The following CLVS1 variants were observed in gnomAD, a reference collection of about 807,000 sequenced individuals.
CLVS1 encodes the protein clavesin 1, also known as clavesin-1.
CLVS1 carries 10 observed loss-of-function variants against 33.1 expected under a neutral mutation model. The observed-to-expected ratio is 0.30, with a 90% CI of 0.19 to 0.51. The LOEUF (loss-of-function observed/expected upper bound fraction) is 0.51, where lower values mean the gene tolerates loss of function less well. Among genes scored for constraint, CLVS1 ranks in the 20% least tolerant of loss-of-function variants. CLVS1 has a pLI of 0.97. For synonymous variants in CLVS1, 163 were observed against 166.1 expected (o/e 0.98, Z 0.14); for missense variants, 343 against 433.4 (o/e 0.79, Z 1.85).
At chr8:60,980,552 A>G in the CLVS1 span, among the ~76,000 whole-genome samples, 1 of 152,202 alleles carries the variant, frequency 6.6e-6, no homozygotes, top group African/African-American at 2.4e-5. Context: ...TTGGGTGGCC[A>G]AGGCTGGCGG....
chr8:61,466,186 A>G (rs1817542792), intron 5 of CLVS1, among the ~76,000 whole-genome samples: 1 of 152,260 alleles, frequency 6.6e-6, no homozygotes, highest in Non-Finnish European at 1.5e-5. Flanking sequence ...TTTCACTGCA[A>G]GAAAGAAGAA....
At chr8:61,058,530 C>T (rs924305080) in intron 1 of CLVS1, among the ~76,000 whole-genome samples, 1 of 152,176 alleles carries the variant, frequency 6.6e-6, no homozygotes, top group Non-Finnish European at 1.5e-5. Flanking sequence ...AGGGCATGTA[C>T]TTTTTAAATT....
chr8:61,484,314 G>A, intron 5 of CLVS1, among the ~76,000 whole-genome samples: 1 of 152,144 alleles, frequency 6.6e-6, no homozygotes, highest in East Asian at 1.9e-4. Context: ...CAAACAGAGA[G>A]CCAAATCATG....
intron 2 of CLVS1, among the ~76,000 whole-genome samples, chr8:61,176,941 T>C (rs548617177): frequency 2.5e-4 from 38 of 152,330 alleles, no homozygotes; most frequent in Non-Finnish European, 3.4e-4. Context: ...GTCTGCTGAG[T>C]TCCCAGGGGG....
At chr8:61,360,229 G>A (rs182381493) in intron 2 of CLVS1, among the ~76,000 whole-genome samples, 120 of 152,242 alleles carry the variant, frequency 7.9e-4, no homozygotes, top group African/African-American at 2.8e-3. Flanking sequence ...AGGATTTGCC[G>A]TGAGTGACTG....
intron 2 of CLVS1, among the ~76,000 whole-genome samples, chr8:61,208,628 C>T (rs1011182498): frequency 4.6e-5 from 7 of 151,740 alleles, no homozygotes; most frequent in East Asian, 1.9e-4. Flanking sequence ...CTCACTCTGT[C>T]GCCAGGCTAG....
intron 2 of CLVS1, among the ~76,000 whole-genome samples, chr8:61,143,151 A>G (rs1806341299): frequency 6.6e-6 from 1 of 152,242 alleles, no homozygotes; most frequent in Non-Finnish European, 1.5e-5. Flanking sequence ...AACCTACCAC[A>G]TCCACCAGAC....
In CLVS1 at chr8:61,207,822, C is replaced by G. The variant is rs143917457; in HGVS notation, c.-152+75962C>G. 5.3e-5 allele frequency among the ~76,000 whole-genome samples: 8 copies of G among 152,276 alleles called. No individual in the cohort carries two copies. The East Asian group carries it at 1.2e-3, about 22-fold the overall frequency. ...ATTTTTTCAACCACGATTTTCAGCT[C>G]TAACTTTGTTCACAGGGAGGGCAGG... On this transcript the variant is annotated intron_variant, in intron 2 of 2. Coordinates refer to the CLVS1 transcript ENST00000522621.
chr8:60,968,513 T>TA, the CLVS1 span, among the ~76,000 whole-genome samples: 89 of 90,476 alleles, frequency 9.8e-4, 1 homozygote, highest in African/African-American at 3.5e-3. Context: ...AGACTCCGTT[T>TA]CAAAAAAAAA....
At chr8:61,340,183 G>A (rs975013132) in intron 2 of CLVS1, among the ~76,000 whole-genome samples, 67 of 152,228 alleles carry the variant, frequency 4.4e-4, no homozygotes, top group East Asian at 1.3e-3. Flanking sequence ...ACATTACCTC[G>A]CACATGTAGT....
At chr8:61,270,967 T>A (rs1423167272) in intron 2 of CLVS1, among the ~76,000 whole-genome samples, 1 of 151,086 alleles carries the variant, frequency 6.6e-6, no homozygotes, top group Non-Finnish European at 1.5e-5. Flanking sequence ...AAAAACCAGC[T>A]CCTGGATTCA....
At chr8:60,981,872 G>A in the CLVS1 span, among the ~76,000 whole-genome samples, 2 of 152,268 alleles carry the variant, frequency 1.3e-5, no homozygotes, top group Non-Finnish European at 2.9e-5. Context: ...GAAGCAGGAG[G>A]CGCGACGAAT....
chr8:61,185,763 C>T (rs1807333174), intron 2 of CLVS1, among the ~76,000 whole-genome samples: 1 of 152,208 alleles, frequency 6.6e-6, no homozygotes, highest in Non-Finnish European at 1.5e-5. Context: ...TAGTCTTAGG[C>T]TATTAGTAAT....
At chr8:61,443,168 T>C (rs1249224507) in intron 3 of CLVS1, among the ~76,000 whole-genome samples, 1 of 152,242 alleles carries the variant, frequency 6.6e-6, no homozygotes, top group Non-Finnish European at 1.5e-5. Flanking sequence ...AAATACGTTA[T>C]CTCAGTCTAC....
At chr8:61,132,014 G>A (rs1274127508) in intron 2 of CLVS1, among the ~76,000 whole-genome samples, 1 of 152,232 alleles carries the variant, frequency 6.6e-6, no homozygotes, top group Non-Finnish European at 1.5e-5. Flanking sequence ...CGACTGGGTG[G>A]GGTGCCTCTG....
At chr8:61,304,612 A>G (rs914634007) in intron 2 of CLVS1, among the ~76,000 whole-genome samples, 1 of 151,916 alleles carries the variant, frequency 6.6e-6, no homozygotes, top group Non-Finnish European at 1.5e-5. Context: ...TCCCACCTAA[A>G]CTCGTATCAG....
intron 2 of CLVS1, among the ~76,000 whole-genome samples, chr8:61,304,247 C>T (rs1267241193): frequency 6.6e-6 from 1 of 152,196 alleles, no homozygotes; most frequent in Admixed American, 6.5e-5. Flanking sequence ...GACCCAGACA[C>T]ATGGACAAAA....
At chr8:61,474,537 T>A (rs1586025769) in intron 5 of CLVS1, among the ~76,000 whole-genome samples, 1 of 152,210 alleles carries the variant, frequency 6.6e-6, no homozygotes, top group African/African-American at 2.4e-5. Context: ...TCTTCTTTTG[T>A]TGAAAATGGG....
chr8:61,374,466 T>C (rs1585879510), intron 2 of CLVS1, among the ~76,000 whole-genome samples: 1 of 152,220 alleles, frequency 6.6e-6, no homozygotes, highest in African/African-American at 2.4e-5. Context: ...GCATTTCCAT[T>C]TGGAATTGCC....
Sources: allele counts gnomAD v4.1 joint callset (sites outside exome capture counted in the v4.1 genomes callset), GRCh38; gene constraint gnomAD v4.1.1; transcripts MANE v1.5; gene names NCBI Gene and HGNC (gene_info 2026-07-23, HGNC 2026-07-21).